Variants in CLCN5 observed in about 807,000 individuals in gnomAD.
CLCN5 encodes the protein H(+)/Cl(-) exchange transporter 5.
CLCN5 carries 17 observed loss-of-function variants against 54.0 expected under a neutral mutation model. The observed-to-expected ratio is 0.31, with a 90% CI of 0.22 to 0.47. The LOEUF (loss-of-function observed/expected upper bound fraction) is 0.47, where lower values mean the gene tolerates loss of function less well. Ranked by LOEUF, CLCN5 falls within the 20% of genes least tolerant of loss-of-function variation. The pLI is 1.00. For missense variants in CLCN5, 448 were observed against 646.7 expected, an observed-to-expected ratio of 0.69 and a Z score of 3.33; for synonymous variants, 222 against 233.0, an observed-to-expected ratio of 0.95 and a Z score of 0.43.
intron 4 of CLCN5, among the ~76,000 whole-genome samples, chrX:50,066,176 A>G (rs1179708889): frequency 6.6e-4 from 69 of 104,888 alleles, no homozygotes; most frequent in Middle Eastern, 4.7e-3. Context: ...AAAAAAAAAA[A>G]AAAGAAAGAA....
Position 50,075,904 on chromosome X carries a change from T to C in CLCN5, c.525T>C (p.Ser175=). Residue 175 remains serine (S), a synonymous_variant, in exon 7 of 15, where the codon TCT becomes TCC. Transcript: ENST00000376091. The part of the protein sequence containing the change: ...WFNHEHCCWN[S]EHVTFEERDK... ...ACCATGAACATTGTTGCTGGAACTC[T>C]GAGCATGTCACCTTTGAAGAGAGAG... 5.0e-6 allele frequency: 6 copies of C among 1,211,443 alleles called. No individual in the cohort carries two copies. The highest frequency in any genetic ancestry group is 6.7e-6 in the Non-Finnish European group (6 of 894,938).
In CLCN5 at chrX:50,099,171, A is replaced by G. The variant is rs1344738373; in HGVS notation, c.*6952A>G. ...CTTAAACCCAGGTCGCCATTGCTTT[A>G]TACATTTTCACTTAGCACAGATTTG... is the stretch of plus-strand genomic sequence containing the variant. On this transcript the variant is annotated 3_prime_UTR_variant, in exon 15 of 15. Transcript: ENST00000376091. 1 of 112,719 alleles carries G rather than the reference A, an allele frequency of 8.9e-6. No individual in the cohort carries two copies. Among genetic ancestry groups the G allele is most frequent in the Non-Finnish European group, 1.9e-5 (1 of 53,299 alleles). 9.3% of individuals were successfully genotyped at this position (112,719 alleles called of 1,213,427 possible).
rs1557175508 is a variant in CLCN5 at position 49,966,606 on chromosome X, T to A, written c.16+41292T>A. On this transcript the variant is annotated intron_variant, in intron 3 of 14. Transcript: ENST00000376091. ...TCTCTGATCTTTTTTTTTTTTTTTTTTTTTTATTTTTTTATTTTTTTTATT... is the reference window on the plus strand; with the variant it reads ...TCTCTGATCTTTTTTTTTTTTTTTTATTTTTATTTTTTTATTTTTTTTATT... Among the ~76,000 whole-genome samples, 8 of 19,670 alleles carry A rather than the reference T, an allele frequency of 4.1e-4. 1 individual carries two copies. The highest frequency in any genetic ancestry group is 5.6e-4 in the Non-Finnish European group (7 of 12,564). 17.1% of individuals were successfully genotyped at this position (19,670 alleles called of 115,157 possible). A position where few individuals can be genotyped will look rare whatever the true frequency, so the allele number is the denominator to read the frequency against.
chrX:50,038,432 G>A (rs1360902955), intron 3 of CLCN5, among the ~76,000 whole-genome samples: 14 of 111,447 alleles, frequency 1.3e-4, no homozygotes, highest in East Asian at 5.6e-4. Flanking sequence ...TAAAAAGTAT[G>A]TGCCCTCTAA....
intron 8 of CLCN5, 66 bp from the exon 9 acceptor site, chrX:50,081,575 A>G: frequency 1.1e-6 from 1 of 898,133 alleles, no homozygotes; most frequent in African/African-American, 1.9e-5. Flanking sequence ...TGAGGTCCAG[A>G]TTTTTGCTTC....
chrX:50,083,376 G>GTA (rs782679666), intron 9 of CLCN5, among the ~76,000 whole-genome samples: 1 of 111,712 alleles, frequency 9.0e-6, no homozygotes, highest in Non-Finnish European at 1.9e-5. Flanking sequence ...CTGTCATGCA[G>GTA]TAGAGGGACT....
intron 4 of CLCN5, among the ~76,000 whole-genome samples, chrX:50,060,215 CG>C (rs1932829989): frequency 9.1e-6 from 1 of 110,385 alleles, no homozygotes; most frequent in Non-Finnish European, 1.9e-5. Context: ...ACGCAGAAGA[CG>C]GGTGATTTCT....
chrX:50,014,007 A>G (rs1930657048), intron 3 of CLCN5, among the ~76,000 whole-genome samples: 1 of 112,217 alleles, frequency 8.9e-6, no homozygotes, highest in Non-Finnish European at 1.9e-5. Flanking sequence ...CTCATGGAGA[A>G]TAAGCATCCT....
At chrX:49,924,413 G>C (rs57326468) in intron 2 of CLCN5, among the ~76,000 whole-genome samples, 7 of 112,115 alleles carry the variant, frequency 6.2e-5, no homozygotes, top group African/African-American at 2.3e-4. Flanking sequence ...TGATCCGCCT[G>C]CTTCGGCCTC....
intron 3 of CLCN5, among the ~76,000 whole-genome samples, chrX:49,935,477 CCCTCTT>C (rs1925900344): frequency 8.9e-6 from 1 of 112,164 alleles, no homozygotes; most frequent in Non-Finnish European, 1.9e-5. Context: ...ATGATCCCTG[CCCTCTT>C]AAGCCTTGCA....
At chrX:50,042,894 C>T (rs943958819) in intron 4 of CLCN5, among the ~76,000 whole-genome samples, 4 of 111,695 alleles carry the variant, frequency 3.6e-5, no homozygotes. Context: ...ATGTGTTTAA[C>T]TTTATAAGAA....
At chrX:49,923,383 C>G (rs1490410041) in intron 1 of CLCN5, 24 bp from the exon 2 acceptor site, 1 of 112,955 alleles carries the variant, frequency 8.9e-6, no homozygotes, top group African/African-American at 3.2e-5. Flanking sequence ...CATTGACGCA[C>G]GTTTCCTTTG....
chrX:50,090,021 T>G, intron 12 of CLCN5, 95 bp from the exon 13 acceptor site: 7 of 919,125 alleles, frequency 7.6e-6, no homozygotes, highest in Non-Finnish European at 1.1e-5. Flanking sequence ...TGAGACCTCA[T>G]TGTTTTTGGT....
intron 3 of CLCN5, among the ~76,000 whole-genome samples, chrX:50,002,681 C>CTCTG (rs782412410): frequency 2.1e-4 from 20 of 94,775 alleles, no homozygotes; most frequent in Admixed American, 4.6e-4. Flanking sequence ...CTCTCTCTCT[C>CTCTG]TGTGTGTGTG....
chrX:49,935,042 A>G (rs1393930793), intron 3 of CLCN5, among the ~76,000 whole-genome samples: 1 of 111,713 alleles, frequency 9.0e-6, no homozygotes, highest in African/African-American at 3.3e-5. Flanking sequence ...TGCCATCCAA[A>G]TTCTCAACTC....
chrX:50,076,044 A>T, intron 7 of CLCN5, 62 bp downstream of exon 7: 1 of 1,039,866 alleles, frequency 9.6e-7, no homozygotes, highest in Non-Finnish European at 1.3e-6. Context: ...TTTATTTCTT[A>T]TACTGTGCTC....
At chrX:49,990,093 T>TC (rs1557178731) in intron 3 of CLCN5, among the ~76,000 whole-genome samples, 1 of 111,850 alleles carries the variant, frequency 8.9e-6, no homozygotes, top group African/African-American at 3.2e-5. Context: ...GTGGGTATTT[T>TC]CCCCTTTCAT....
intron 3 of CLCN5, among the ~76,000 whole-genome samples, chrX:50,014,029 A>G (rs1195672795): frequency 3.6e-5 from 4 of 111,853 alleles, no homozygotes; most frequent in Non-Finnish European, 7.5e-5. Context: ...ATGTCATCCA[A>G]CTTCCTGTGA....
intron 3 of CLCN5, among the ~76,000 whole-genome samples, chrX:50,038,005 G>C (rs1439689296): frequency 9.0e-6 from 1 of 111,375 alleles, no homozygotes; most frequent in Admixed American, 9.5e-5. Flanking sequence ...GGCTGATATT[G>C]GAGATGGAGC....
Sources: gnomAD v4.1 joint callset for allele counts (sites outside exome capture counted in the v4.1 genomes callset) on GRCh38, gnomAD v4.1.1 for gene constraint, MANE v1.5 for transcripts, NCBI Gene and HGNC (gene_info 2026-07-23, HGNC 2026-07-21) for gene names.